Variants in JAKMIP1 observed in about 807,000 individuals in gnomAD.
JAKMIP1 encodes janus kinase and microtubule-interacting protein 1.
Under a neutral mutation model 113.0 loss-of-function variants are expected in JAKMIP1, and 33 were observed. The observed-to-expected ratio is 0.29, with a 90% CI of 0.22 to 0.39. The LOEUF is 0.39. Among genes scored for constraint, JAKMIP1 ranks in the 10% least tolerant of loss-of-function variants. JAKMIP1 has a pLI of 1.00. For missense variants in JAKMIP1, 813 were observed against 1,080.5 expected (o/e 0.75, Z 3.47); for synonymous variants, 480 against 459.9 (o/e 1.04, Z -0.56).
At chr4:6,196,014 C>G (rs890086432) in intron 1 of JAKMIP1, among the ~76,000 whole-genome samples, 1 of 152,222 alleles carries the variant, frequency 6.6e-6, no homozygotes, top group Non-Finnish European at 1.5e-5. Context: ...GCCTTTCTGT[C>G]CATTCACCTC....
rs1386316263 is a variant in JAKMIP1 at position 6,059,788 on chromosome 4, C to A, written c.1644+636G>T. Among the ~76,000 whole-genome samples, 1 of 152,130 alleles carries A rather than the reference C, an allele frequency of 6.6e-6. No individual in the cohort carries two copies. Among genetic ancestry groups the A allele is most frequent in the African/African-American group, 2.4e-5 (1 of 41,420 alleles). On this transcript the variant is annotated intron_variant, in intron 11 of 20. Transcript: ENST00000409021. This position sits in a 1 kb window ranked among gnomAD's most constrained non-coding sequence, Gnocchi z 4.8. The stretch of plus-strand genomic sequence containing the variant: ...TGTCACCACAGCAGCACTTCTGACA[C>A]AGAGGAGGCCGACCCATACGAACCT...
intron 1 of JAKMIP1, among the ~76,000 whole-genome samples, chr4:6,164,718 T>A (rs1401526796): frequency 2.0e-5 from 3 of 152,222 alleles, no homozygotes; most frequent in Non-Finnish European, 4.4e-5. Flanking sequence ...AAGAAGTTGA[T>A]TCTAACCCCT....
rs1716882233 is a variant in JAKMIP1 at position 6,059,056 on chromosome 4, C to CA, written c.1644+1367_1644+1368insT. ...AGGCACAAAGAGATTATGTTACTTG[C>CA]CCAAGGTTATGCAACAAGGAAGTGG... On this transcript the variant is annotated intron_variant, in intron 11 of 20. Transcript: ENST00000409021. The surrounding 1 kb of genome is among the most constrained non-coding windows in gnomAD (Gnocchi z 4.8). 1.3e-5 allele frequency among the ~76,000 whole-genome samples: 2 copies of CA among 152,170 alleles called. No homozygotes were observed. The highest frequency in any genetic ancestry group is 4.8e-5 in the African/African-American group (2 of 41,430).
chr4:6,078,463 T>G (rs935785348), intron 8 of JAKMIP1, among the ~76,000 whole-genome samples: 1 of 151,108 alleles, frequency 6.6e-6, no homozygotes, highest in Non-Finnish European at 1.5e-5. Context: ...TTGGTCCCTG[T>G]GGGCATTTGA....
chr4:6,119,238 C>T (rs1271911821), intron 1 of JAKMIP1, among the ~76,000 whole-genome samples: 2 of 152,170 alleles, frequency 1.3e-5, no homozygotes, highest in Middle Eastern at 3.2e-3. Context: ...ATATACCAGG[C>T]ATGCAGGGAA....
Position 6,032,357 on chromosome 4 carries a change from T to C in JAKMIP1, c.2380-2576A>G, listed in dbSNP as rs116838519. ...CTTAGGAAACAGTCTCTCATCAGAG[T>C]GTGGGAGGCCAGAAAGAGCAGTGGG... On this transcript the variant is annotated intron_variant, in intron 19 of 20. Coordinates refer to ENST00000409021, the MANE Select transcript of JAKMIP1 (RefSeq NM_001099433.2). Among the ~76,000 whole-genome samples the C allele has an allele frequency of 2.5e-3, 388 of 152,190 alleles. 4 individuals carry two copies. Among genetic ancestry groups the C allele is most frequent in the African/African-American group, 8.9e-3 (371 of 41,518 alleles).
chr4:6,079,570 G>C (rs1482984899), intron 7 of JAKMIP1, among the ~76,000 whole-genome samples: 1 of 152,160 alleles, frequency 6.6e-6, no homozygotes. Context: ...TCCAACTAAA[G>C]CTCCCTGCAG....
At position 6,042,606 on chromosome 4, in the gene JAKMIP1, G is replaced by A. The variant is rs1476675671; in HGVS notation, c.2029-379C>T. On this transcript the variant is annotated intron_variant, in intron 16 of 20. Transcript: ENST00000409021. This position sits in a 1 kb window ranked among gnomAD's most constrained non-coding sequence, Gnocchi z 5.2. ...AGGAGACCTCATCTGACTCTCTTAC[G>A]ACCACCCCAAGCAGTAGGCAGCGTC... Among the ~76,000 whole-genome samples the A allele has an allele frequency of 2.0e-5, 3 of 151,848 alleles. No homozygotes were observed. Among genetic ancestry groups the A allele is most frequent in the Admixed American group, 1.3e-4 (2 of 15,246 alleles).
Position 6,188,698 on chromosome 4 carries a change from A to G in JAKMIP1, c.-148+11555T>C, listed in dbSNP as rs923719303. The stretch of plus-strand genomic sequence containing the variant: ...CCCATCTTCTGGCTAGAGCACCCCA[A>G]TTTTTAATATCCTATCCAGCAATAA... On this transcript the variant is annotated intron_variant, in intron 1 of 20. Coordinates refer to ENST00000409021, the MANE Select transcript of JAKMIP1 (RefSeq NM_001099433.2). The surrounding 1 kb of genome is among the most constrained non-coding windows in gnomAD (Gnocchi z 5.8). Among the ~76,000 whole-genome samples the G allele has an allele frequency of 2.0e-5, 3 of 152,042 alleles. No individual in the cohort carries two copies. Among genetic ancestry groups the G allele is most frequent in the African/African-American group, 7.2e-5 (3 of 41,406 alleles).
intron 8 of JAKMIP1, among the ~76,000 whole-genome samples, chr4:6,066,773 A>ATC (rs369563235): frequency 6.6e-6 from 1 of 151,354 alleles, no homozygotes; most frequent in African/African-American, 2.4e-5. Context: ...AGCCACCAAT[A>ATC]TCTCTCTCTC....
chr4:6,134,742 A>G (rs1718988964), intron 1 of JAKMIP1, among the ~76,000 whole-genome samples: 1 of 152,146 alleles, frequency 6.6e-6, no homozygotes, highest in South Asian at 2.1e-4. Flanking sequence ...AATGGACTCA[A>G]TCTGTCCACA....
In JAKMIP1 at chr4:6,136,015, G is replaced by A. The variant is rs1406299238; in HGVS notation, c.-147-23018C>T. Among the ~76,000 whole-genome samples the A allele has an allele frequency of 1.3e-5, 2 of 152,182 alleles. No individual in the cohort carries two copies. Among genetic ancestry groups the A allele is most frequent in the Non-Finnish European group, 2.9e-5 (2 of 68,032 alleles). On this transcript the variant is annotated intron_variant, in intron 1 of 20. Coordinates refer to ENST00000409021, the MANE Select transcript of JAKMIP1 (RefSeq NM_001099433.2). This position sits in a 1 kb window ranked among gnomAD's most constrained non-coding sequence, Gnocchi z 5.9. ...AATCCCAGCACTTTGAGAGGCCAAGGTGGGTGGATCACTTGAGGTCAGGAG... is the reference window on the plus strand; with the variant it reads ...AATCCCAGCACTTTGAGAGGCCAAGATGGGTGGATCACTTGAGGTCAGGAG...
At chr4:6,068,093 A>G (rs922366585) in intron 8 of JAKMIP1, among the ~76,000 whole-genome samples, 8 of 152,196 alleles carry the variant, frequency 5.3e-5, no homozygotes, top group Non-Finnish European at 1.0e-4. Flanking sequence ...ACCTAGGACG[A>G]TCCACTGTGA....
chr4:6,080,208 C>T lies in JAKMIP1; in HGVS notation c.1206G>A (p.Val402=). The T allele has an allele frequency of 6.2e-7, 1 of 1,613,764 alleles. No individual in the cohort carries two copies. Among genetic ancestry groups the T allele is most frequent in the Non-Finnish European group, 8.5e-7 (1 of 1,179,880 alleles). ...EQEIEFLRLQ[V]LEQQHVIDDL... ...CGTCAATGACGTGCTGCTGCTCCAGCACCTGCAGCCTCAGGAACTCGATCT... is the reference window on the plus strand; with the variant it reads ...CGTCAATGACGTGCTGCTGCTCCAGTACCTGCAGCCTCAGGAACTCGATCT... The change falls in exon 7 of 21, where the codon GTG becomes GTA. Residue 402 remains valine (V), a synonymous_variant. Coordinates refer to ENST00000409021, the MANE Select transcript of JAKMIP1 (RefSeq NM_001099433.2). The surrounding 1 kb of genome is among the most constrained non-coding windows in gnomAD (Gnocchi z 6.0).
At position 6,054,263 on chromosome 4, in the gene JAKMIP1, G is replaced by A. The variant is rs78449958; in HGVS notation, c.1708-115C>T. On this transcript the variant is annotated intron_variant, in intron 12 of 20. Transcript: ENST00000409021. ...AACAGACGACTGGCCACGGAGGCAA[G>A]GGGCAGGAGAGGGCAGGGTTTGCAG... 471 of 998,828 alleles carry A rather than the reference G, an allele frequency of 4.7e-4. 4 individuals carry two copies. In the East Asian group the frequency reaches 5.8e-3, roughly 12 times the overall value. The allele number at this position is 998,828 out of a possible 1,614,324, so 61.9% of individuals were successfully genotyped here. A position where few individuals can be genotyped will look rare whatever the true frequency, so the allele number is the denominator to read the frequency against.
At chr4:6,105,423 C>A in intron 3 of JAKMIP1, 50 bp downstream of exon 3, 1 of 1,506,044 alleles carries the variant, frequency 6.6e-7, no homozygotes, top group Non-Finnish European at 8.9e-7. Context: ...CCCATGCGTG[C>A]AGGGAGGGAA....
rs916652510 is a variant in JAKMIP1, at chr4:6,199,175, C to T, written c.-148+1078G>A. Among the ~76,000 whole-genome samples the T allele has an allele frequency of 6.6e-6, 1 of 152,240 alleles. No homozygotes were observed. Among genetic ancestry groups the T allele is most frequent in the Non-Finnish European group, 1.5e-5 (1 of 68,050 alleles). ...CAAGGACAGTGTGCCTGCGAGTGTG[C>T]GCAGATGGGGCGGGCGGCGGAGGAG... is the stretch of plus-strand genomic sequence containing the variant. On this transcript the variant is annotated intron_variant, in intron 1 of 20. Coordinates refer to ENST00000409021, the MANE Select transcript of JAKMIP1 (RefSeq NM_001099433.2). This position sits in a 1 kb window ranked among gnomAD's most constrained non-coding sequence, Gnocchi z 5.6.
chr4:6,154,200 A>G lies in JAKMIP1; in HGVS notation c.-147-41203T>C, dbSNP rs4522942. Among the ~76,000 whole-genome samples the G allele has an allele frequency of 0.084, 12,842 of 152,328 alleles. 642 individuals carry two copies. The highest frequency in any genetic ancestry group is 0.13 in the South Asian group (641 of 4,824). On this transcript the variant is annotated intron_variant, in intron 1 of 20. Transcript: ENST00000409021. The surrounding 1 kb of genome is among the most constrained non-coding windows in gnomAD (Gnocchi z 4.2). ...GGGAAGACAGAGCGGAGCTGGACAC[A>G]GGCGGAGGCTGAAGAAACAAGCAAA...
chr4:6,109,042 C>T (rs1714435219), intron 2 of JAKMIP1, among the ~76,000 whole-genome samples: 1 of 151,254 alleles, frequency 6.6e-6, no homozygotes. Context: ...TGCCATTCTC[C>T]AATAAAAGGA....
Sources: allele counts gnomAD v4.1 joint callset (sites outside exome capture counted in the v4.1 genomes callset), GRCh38; gene constraint gnomAD v4.1.1; non-coding constraint Gnocchi (gnomAD v3.1); transcripts MANE v1.5; gene names NCBI Gene and HGNC (gene_info 2026-07-23, HGNC 2026-07-21).